Variants in ZNF385B observed in about 807,000 individuals in gnomAD.
ZNF385B encodes zinc finger protein 533.
Under a neutral mutation model 39.2 loss-of-function variants are expected in ZNF385B, and 23 were observed. The observed-to-expected ratio is 0.59, with a 90% CI of 0.42 to 0.83. The LOEUF (loss-of-function observed/expected upper bound fraction) is 0.83. ZNF385B is among the 40% of genes least tolerant of loss of function. The probability of loss-of-function intolerance (pLI) is 0.00; values close to 1 mark genes in which losing one functional copy is unlikely to be tolerated. For synonymous variants in ZNF385B, 205 were observed against 222.6 expected, an observed-to-expected ratio of 0.92 and a Z score of 0.70; for missense variants, 552 against 598.9, an observed-to-expected ratio of 0.92 and a Z score of 0.82.
At chr2:179,517,282 AC>A (rs1356550464) in intron 5 of ZNF385B, among the ~76,000 whole-genome samples, 5 of 151,942 alleles carry the variant, frequency 3.3e-5, no homozygotes, top group East Asian at 3.8e-4. Context: ...TAATAAAAAA[AC>A]ATTTTGAGAT....
At chr2:179,608,596 T>C (rs926884961) in intron 3 of ZNF385B, among the ~76,000 whole-genome samples, 2 of 152,180 alleles carry the variant, frequency 1.3e-5, no homozygotes, top group African/African-American at 4.8e-5. Flanking sequence ...AATTTTAATC[T>C]TTACCTCAGG....
At chr2:179,701,298 T>G (rs1195131555) in intron 3 of ZNF385B, among the ~76,000 whole-genome samples, 1 of 152,182 alleles carries the variant, frequency 6.6e-6, no homozygotes, top group Non-Finnish European at 1.5e-5. Context: ...GCTATTTTCT[T>G]TCTCTGTTTC....
chr2:179,860,771 C>T (rs929016305), intron 1 of ZNF385B: 12 of 461,524 alleles, frequency 2.6e-5, no homozygotes, highest in African/African-American at 2.0e-4. Flanking sequence ...GCACTCTCCT[C>T]GTCCTTTCCC....
chr2:179,663,503 G>T (rs1694740639), intron 3 of ZNF385B, among the ~76,000 whole-genome samples: 1 of 152,188 alleles, frequency 6.6e-6, no homozygotes, highest in Non-Finnish European at 1.5e-5. Context: ...GAGGTCAGGA[G>T]ATCGAGACCA....
At chr2:179,614,950 A>G (rs1358838086) in intron 3 of ZNF385B, among the ~76,000 whole-genome samples, 2 of 152,220 alleles carry the variant, frequency 1.3e-5, no homozygotes, top group Non-Finnish European at 2.9e-5. Flanking sequence ...TATTTGTCCT[A>G]CTTAAGAAAT....
intron 4 of ZNF385B, among the ~76,000 whole-genome samples, chr2:179,525,697 C>A (rs369673549): frequency 8.5e-5 from 13 of 152,182 alleles, no homozygotes; most frequent in Non-Finnish European, 1.6e-4. Context: ...AAGAGAATAA[C>A]TATTTTTTAT....
chr2:179,724,155 A>G (rs113066931), intron 3 of ZNF385B, among the ~76,000 whole-genome samples: 67 of 152,168 alleles, frequency 4.4e-4, no homozygotes, highest in African/African-American at 1.3e-3. Context: ...CGAAAAATAC[A>G]AAAATTCACC....
intron 6 of ZNF385B, among the ~76,000 whole-genome samples, chr2:179,468,154 T>A (rs766765880): frequency 1.3e-5 from 2 of 152,192 alleles, no homozygotes; most frequent in Non-Finnish European, 2.9e-5. Context: ...GATAAAACAA[T>A]GGCATCTCCA....
At chr2:179,788,145 AT>A (rs1442320819) in intron 1 of ZNF385B, among the ~76,000 whole-genome samples, 1 of 152,142 alleles carries the variant, frequency 6.6e-6, no homozygotes, top group Non-Finnish European at 1.5e-5. Flanking sequence ...CTGTTACAAT[AT>A]TTTAAAACTT....
At chr2:179,453,424 T>C (rs1053333721) in intron 6 of ZNF385B, among the ~76,000 whole-genome samples, 1 of 152,124 alleles carries the variant, frequency 6.6e-6, no homozygotes, top group Admixed American at 6.6e-5. Context: ...TGTCCAGGCC[T>C]TATAAAGTAG....
chr2:179,714,624 C>T (rs1256254989), intron 3 of ZNF385B, among the ~76,000 whole-genome samples: 1 of 152,106 alleles, frequency 6.6e-6, no homozygotes, highest in Admixed American at 6.5e-5. Context: ...TATGATCCTT[C>T]CCAAACCTTA....
chr2:179,706,028 C>T (rs1248157910), intron 3 of ZNF385B, among the ~76,000 whole-genome samples: 2 of 152,144 alleles, frequency 1.3e-5, no homozygotes, highest in African/African-American at 4.8e-5. Flanking sequence ...CTCCTGAAAG[C>T]AATAGGTTAA....
chr2:179,511,548 C>A (rs942801653), intron 5 of ZNF385B, among the ~76,000 whole-genome samples: 4 of 152,070 alleles, frequency 2.6e-5, no homozygotes, highest in African/African-American at 7.2e-5. Context: ...TATGGATGTA[C>A]CAATTACACA....
chr2:179,608,746 T>A (rs554022756), intron 3 of ZNF385B, among the ~76,000 whole-genome samples: 1 of 152,130 alleles, frequency 6.6e-6, no homozygotes, highest in South Asian at 2.1e-4. Context: ...CCCTAAGTGA[T>A]GACTCACTGT....
At chr2:179,804,061 C>A (rs904652453) in intron 1 of ZNF385B, among the ~76,000 whole-genome samples, 1 of 152,140 alleles carries the variant, frequency 6.6e-6, no homozygotes, top group East Asian at 1.9e-4. Flanking sequence ...ATCTGTTTAT[C>A]CCTGTTCTGC....
intron 1 of ZNF385B, among the ~76,000 whole-genome samples, chr2:179,820,201 T>C (rs1707322174): frequency 1.3e-5 from 2 of 152,164 alleles, no homozygotes; most frequent in South Asian, 4.1e-4. Flanking sequence ...CTTAAAAATC[T>C]CTTTTCCAGT....
chr2:179,855,577 C>T (rs1210357307), intron 1 of ZNF385B, among the ~76,000 whole-genome samples: 1 of 152,118 alleles, frequency 6.6e-6, no homozygotes, highest in African/African-American at 2.4e-5. Flanking sequence ...TGTTTTGTAT[C>T]AGTATATATA....
intron 5 of ZNF385B, among the ~76,000 whole-genome samples, chr2:179,507,790 C>A (rs1410488764): frequency 6.6e-6 from 1 of 152,178 alleles, no homozygotes; most frequent in Non-Finnish European, 1.5e-5. Context: ...CCAACAACAT[C>A]TTCTTAGCTT....
At chr2:179,465,103 AT>A (rs1428385585) in intron 6 of ZNF385B, among the ~76,000 whole-genome samples, 1 of 151,666 alleles carries the variant, frequency 6.6e-6, no homozygotes, top group Non-Finnish European at 1.5e-5. Flanking sequence ...ACTGGACATG[AT>A]TTTTTTCTGG....
Sources: gnomAD v4.1 joint callset for allele counts (sites outside exome capture counted in the v4.1 genomes callset) on GRCh38, gnomAD v4.1.1 for gene constraint, MANE v1.5 for transcripts, NCBI Gene and HGNC (gene_info 2026-07-23, HGNC 2026-07-21) for gene names.